The following KCNIP1 variants were observed in gnomAD, a reference collection of about 807,000 sequenced individuals.
KCNIP1 encodes A-type potassium channel modulatory protein KCNIP1.
Under a neutral mutation model 33.0 loss-of-function variants are expected in KCNIP1, and 18 were observed. That is an observed-to-expected ratio of 0.55 (90% CI 0.38 to 0.81). The LOEUF (loss-of-function observed/expected upper bound fraction) is 0.81, where lower values mean the gene tolerates loss of function less well. KCNIP1 is among the 30% of genes least tolerant of loss of function. The pLI is 0.00. For synonymous variants in KCNIP1, 93 were observed against 98.3 expected (o/e 0.95, Z 0.32); for missense variants, 238 against 271.6 (o/e 0.88, Z 0.87).
chr5:170,446,126 G>T (rs952965171), intron 1 of KCNIP1, among the ~76,000 whole-genome samples: 1 of 152,174 alleles, frequency 6.6e-6, no homozygotes, highest in Non-Finnish European at 1.5e-5. Flanking sequence ...CGCCCAGGAA[G>T]TCTCCCTGTA....
chr5:170,587,926 G>A (rs1758060505), intron 1 of KCNIP1, among the ~76,000 whole-genome samples: 1 of 152,224 alleles, frequency 6.6e-6, no homozygotes, highest in Admixed American at 6.5e-5. Flanking sequence ...GCCATCGCCA[G>A]CTCAGTGCTT....
intron 1 of KCNIP1, chr5:170,378,700 G>T (rs961858920): frequency 6.2e-7 from 1 of 1,604,426 alleles, no homozygotes. Flanking sequence ...ATGGATGGAT[G>T]GCTCTACTTC....
chr5:170,501,964 A>C (rs1313932480), upstream of KCNIP1, among the ~76,000 whole-genome samples: 2 of 152,164 alleles, frequency 1.3e-5, no homozygotes, highest in Non-Finnish European at 2.9e-5. Context: ...CTGAGCTGGC[A>C]GTTAGGAGAG....
At chr5:170,357,808 T>A (rs372508066) in intron 1 of KCNIP1, among the ~76,000 whole-genome samples, 2 of 152,340 alleles carry the variant, frequency 1.3e-5, no homozygotes, top group Non-Finnish European at 2.9e-5. Flanking sequence ...ATTACAGGCA[T>A]GAGCCACCAC....
chr5:170,500,994 C>T (rs1009714795), upstream of KCNIP1, among the ~76,000 whole-genome samples: 8 of 152,154 alleles, frequency 5.3e-5, no homozygotes, highest in African/African-American at 1.7e-4. Context: ...CTCACTCATT[C>T]ATTTATTCAG....
chr5:170,522,892 C>T (rs1246911862), intron 1 of KCNIP1, among the ~76,000 whole-genome samples: 1 of 152,192 alleles, frequency 6.6e-6, no homozygotes, highest in Non-Finnish European at 1.5e-5. Context: ...CACTTCTGAA[C>T]AGGACTTGGA....
At chr5:170,403,139 GA>G (rs1388381320) in intron 1 of KCNIP1, among the ~76,000 whole-genome samples, 1 of 152,146 alleles carries the variant, frequency 6.6e-6, no homozygotes, top group East Asian at 1.9e-4. Flanking sequence ...TCCCTTTGGA[GA>G]ATGGGTAGAG....
At chr5:170,383,051 A>AGAAG (rs1320730268) in intron 1 of KCNIP1, 1 of 152,640 alleles carries the variant, frequency 6.6e-6, no homozygotes, top group Non-Finnish European at 1.5e-5. Context: ...AAGGAAAGAA[A>AGAAG]GAAGGAAGGA....
chr5:170,628,920 C>T (rs1759943470), intron 1 of KCNIP1, among the ~76,000 whole-genome samples: 1 of 152,198 alleles, frequency 6.6e-6, no homozygotes, highest in South Asian at 2.1e-4. Context: ...TCCTTTCCTC[C>T]ATCCAGGCCT....
chr5:170,522,932 T>C (rs891826943), intron 1 of KCNIP1, among the ~76,000 whole-genome samples: 33 of 152,340 alleles, frequency 2.2e-4, no homozygotes, highest in African/African-American at 6.7e-4. Flanking sequence ...TTGATGATCG[T>C]GTCTGCAGCA....
intron 1 of KCNIP1, among the ~76,000 whole-genome samples, chr5:170,681,634 G>C (rs547490266): frequency 6.6e-6 from 1 of 152,186 alleles, no homozygotes; most frequent in South Asian, 2.1e-4. Flanking sequence ...TAATCACAGT[G>C]TCTGACAATT....
At chr5:170,514,260 C>T (rs1175055692) in intron 1 of KCNIP1, among the ~76,000 whole-genome samples, 2 of 152,222 alleles carry the variant, frequency 1.3e-5, no homozygotes, top group Admixed American at 1.3e-4. Flanking sequence ...CTCCCAGCTG[C>T]CTGGGGGAAG....
At chr5:170,705,357 C>G (rs116410987) in intron 1 of KCNIP1, among the ~76,000 whole-genome samples, 3,223 of 152,294 alleles carry the variant, frequency 0.021, 61 homozygotes, top group Non-Finnish European at 0.032. Context: ...TGACTGCACT[C>G]CTTGCATCTG....
chr5:170,718,668 G>A (rs1763711805), intron 1 of KCNIP1, 90 bp from the exon 2 acceptor site: 23 of 1,510,270 alleles, frequency 1.5e-5, no homozygotes, highest in East Asian at 2.3e-5. Context: ...ATCCCAGGTC[G>A]TGACACCACT....
At chr5:170,397,972 T>A (rs1330265128) in intron 1 of KCNIP1, among the ~76,000 whole-genome samples, 1 of 152,170 alleles carries the variant, frequency 6.6e-6, no homozygotes, top group Non-Finnish European at 1.5e-5. Flanking sequence ...AAAGGGATGT[T>A]GGGGTTATAA....
At chr5:170,559,990 T>G (rs1179467190) in intron 1 of KCNIP1, among the ~76,000 whole-genome samples, 1 of 152,210 alleles carries the variant, frequency 6.6e-6, no homozygotes, top group Admixed American at 6.5e-5. Flanking sequence ...GAAATTCAAC[T>G]ACTTGGTAAT....
upstream of KCNIP1, among the ~76,000 whole-genome samples, chr5:170,499,655 C>A (rs868611676): frequency 6.6e-6 from 1 of 152,032 alleles, no homozygotes; most frequent in Non-Finnish European, 1.5e-5. Context: ...TGAGAAGAAA[C>A]ATGGCTAAGG....
chr5:170,606,425 C>T (rs1205234251), intron 1 of KCNIP1, among the ~76,000 whole-genome samples: 1 of 152,142 alleles, frequency 6.6e-6, no homozygotes, highest in Non-Finnish European at 1.5e-5. Context: ...TATGGTCCTT[C>T]CAGTGGGTGT....
At chr5:170,721,676 A>G in intron 3 of KCNIP1, 157 bp from the exon 4 acceptor site, 4 of 1,519,816 alleles carry the variant, frequency 2.6e-6, no homozygotes, top group Non-Finnish European at 3.6e-6. Context: ...CCCAAACCCA[A>G]AGAGTTGAGT....
Sources: gnomAD v4.1 joint callset for allele counts (sites outside exome capture counted in the v4.1 genomes callset) on GRCh38, gnomAD v4.1.1 for gene constraint, MANE v1.5 for transcripts, NCBI Gene and HGNC (gene_info 2026-07-23, HGNC 2026-07-21) for gene names.